The following GPC3 variants were observed in gnomAD, a reference collection of about 807,000 sequenced individuals.
GPC3 encodes glypican 3.
Under a neutral mutation model 34.4 loss-of-function variants are expected in GPC3, and 3 were observed. That is an observed-to-expected ratio of 0.09 (90% CI 0.04 to 0.23). The LOEUF is 0.23. Ranked by LOEUF, GPC3 falls within the 10% of genes least tolerant of loss-of-function variation. GPC3 has a pLI of 1.00. For missense variants in GPC3, 351 were observed against 445.6 expected (o/e 0.79, Z 1.91); for synonymous variants, 177 against 174.0 (o/e 1.02, Z -0.13).
At chrX:133,682,700 C>T (rs933922120) in intron 5 of GPC3, among the ~76,000 whole-genome samples, 1 of 111,643 alleles carries the variant, frequency 9.0e-6, no homozygotes, top group Admixed American at 9.5e-5. Context: ...GGCGCGGTGG[C>T]TCACGCCTGT....
chrX:133,649,268 A>ATGTGTG (rs201681195), intron 6 of GPC3, among the ~76,000 whole-genome samples: 5 of 104,114 alleles, frequency 4.8e-5, no homozygotes, highest in African/African-American at 1.8e-4. Context: ...ATATATATAT[A>ATGTGTG]TGTGTGTGTG....
At chrX:133,547,497 C>T (rs1237625085) in intron 7 of GPC3, among the ~76,000 whole-genome samples, 1 of 110,904 alleles carries the variant, frequency 9.0e-6, no homozygotes, top group Non-Finnish European at 1.9e-5. Flanking sequence ...AAATGGTACT[C>T]GTCTGTGCTT....
intron 3 of GPC3, among the ~76,000 whole-genome samples, chrX:133,750,709 T>C (rs1450964884): frequency 2.7e-5 from 3 of 112,012 alleles, no homozygotes; most frequent in Non-Finnish European, 5.6e-5. Context: ...TGAACCTTCA[T>C]GTCTAGTGCC....
At chrX:133,632,417 A>T (rs764758982) in intron 6 of GPC3, among the ~76,000 whole-genome samples, 6 of 112,041 alleles carry the variant, frequency 5.4e-5, no homozygotes, top group African/African-American at 1.9e-4. Context: ...GTTACTTTAA[A>T]AGCAACACAA....
intron 2 of GPC3, among the ~76,000 whole-genome samples, chrX:133,818,805 T>G (rs2075704853): frequency 9.0e-6 from 1 of 110,710 alleles, no homozygotes; most frequent in Admixed American, 9.6e-5. Context: ...AGATTCCCTA[T>G]TTCAGTAAAA....
At chrX:133,728,528 A>G (rs1319990555) in intron 3 of GPC3, among the ~76,000 whole-genome samples, 1 of 112,351 alleles carries the variant, frequency 8.9e-6, no homozygotes, top group African/African-American at 3.2e-5. Flanking sequence ...CCCCCTACTC[A>G]ATATGTTTAT....
intron 7 of GPC3, among the ~76,000 whole-genome samples, chrX:133,567,139 T>C (rs1177127180): frequency 4.5e-5 from 5 of 111,949 alleles, no homozygotes; most frequent in Non-Finnish European, 9.4e-5. Flanking sequence ...GTACTTTCCA[T>C]TCATTCAAAT....
intron 1 of GPC3, among the ~76,000 whole-genome samples, chrX:133,974,032 G>A (rs1299537836): frequency 9.0e-6 from 1 of 111,576 alleles, no homozygotes; most frequent in African/African-American, 3.3e-5. Flanking sequence ...ATAACTTTCA[G>A]CGTTTTTTTT....
intron 2 of GPC3, among the ~76,000 whole-genome samples, chrX:133,782,614 T>A (rs1603246567): frequency 8.9e-6 from 1 of 111,876 alleles, no homozygotes; most frequent in African/African-American, 3.3e-5. Context: ...AGCACCTTAC[T>A]ATAAAACAGA....
Position 133,763,192 on chromosome X carries a change from C to T in GPC3, c.338-9016G>A, listed in dbSNP as rs1228932592. 4.6e-6 allele frequency: 3 copies of T among 649,486 alleles called. No individual in the cohort carries two copies. In the Admixed American group the frequency reaches 6.7e-5, roughly 15 times the overall value. 53.5% of individuals were successfully genotyped at this position (649,486 alleles called of 1,213,427 possible). ...TACTGACCCCAGGGCTGACCACCAGCCTCTCACAGAGGCATCTTATGTTAA... is the reference window on the plus strand; with the variant it reads ...TACTGACCCCAGGGCTGACCACCAGTCTCTCACAGAGGCATCTTATGTTAA... On this transcript the variant is annotated intron_variant, in intron 2 of 7. Transcript: ENST00000370818.
At chrX:133,653,052 G>A (rs1368243718) in intron 6 of GPC3, among the ~76,000 whole-genome samples, 1 of 111,704 alleles carries the variant, frequency 9.0e-6, no homozygotes, top group African/African-American at 3.3e-5. Flanking sequence ...TGGCTGATGG[G>A]GACTGGAGGG....
At chrX:133,809,590 TC>T (rs1569437586) in intron 2 of GPC3, among the ~76,000 whole-genome samples, 1 of 111,406 alleles carries the variant, frequency 9.0e-6, no homozygotes, top group Non-Finnish European at 1.9e-5. Flanking sequence ...CAGAACATCC[TC>T]CTACTCAGAG....
chrX:133,799,014 T>A (rs1243837024), intron 2 of GPC3, among the ~76,000 whole-genome samples: 1 of 111,791 alleles, frequency 8.9e-6, no homozygotes, highest in Non-Finnish European at 1.9e-5. Flanking sequence ...TATTTAGAAT[T>A]TTAAAAGATG....
At chrX:133,718,152 A>T (rs973224764) in intron 3 of GPC3, among the ~76,000 whole-genome samples, 3 of 112,289 alleles carry the variant, frequency 2.7e-5, no homozygotes, top group African/African-American at 9.7e-5. Context: ...TATGGAAAAC[A>T]GTATAAATAT....
intron 3 of GPC3, among the ~76,000 whole-genome samples, chrX:133,743,667 A>C (rs376407121): frequency 9.8e-5 from 11 of 112,342 alleles, no homozygotes; most frequent in Non-Finnish European, 2.1e-4. Flanking sequence ...GCAAGTATCC[A>C]GGGGCTTTTC....
At chrX:133,896,906 CTT>C (rs1377700485) in intron 2 of GPC3, among the ~76,000 whole-genome samples, 13 of 92,406 alleles carry the variant, frequency 1.4e-4, no homozygotes, top group African/African-American at 1.2e-4. Context: ...ACTCTGTGAC[CTT>C]TTTTTTTTTT....
chrX:133,820,580 G>A (rs1171475231), intron 2 of GPC3, among the ~76,000 whole-genome samples: 2 of 111,301 alleles, frequency 1.8e-5, no homozygotes, highest in Admixed American at 1.9e-4. Flanking sequence ...TCAGGAAGCC[G>A]AAGAGGTAAG....
chrX:133,907,342 A>C (rs2076173369), intron 2 of GPC3, among the ~76,000 whole-genome samples: 1 of 111,471 alleles, frequency 9.0e-6, no homozygotes, highest in Non-Finnish European at 1.9e-5. Context: ...GAAGACCTGA[A>C]CTAGAAATTC....
intron 2 of GPC3, among the ~76,000 whole-genome samples, chrX:133,913,846 G>A (rs1438930812): frequency 9.1e-6 from 1 of 109,834 alleles, no homozygotes; most frequent in Non-Finnish European, 1.9e-5. Context: ...TCCCTGCAGA[G>A]CTTTTGTTCT....
Sources: allele counts gnomAD v4.1 joint callset (sites outside exome capture counted in the v4.1 genomes callset), GRCh38; gene constraint gnomAD v4.1.1; transcripts MANE v1.5; gene names NCBI Gene and HGNC (gene_info 2026-07-23, HGNC 2026-07-21).